The following LRBA variants were observed in gnomAD, a reference collection of about 807,000 sequenced individuals.
The protein encoded by LRBA is lipopolysaccharide-responsive and beige-like anchor protein.
A neutral mutation model predicts 330.0 loss-of-function variants in LRBA; 176 were observed. The ratio of observed to expected loss-of-function variants is 0.53; its 90% CI spans 0.47 to 0.60. LRBA has a LOEUF of 0.60. Among genes scored for constraint, LRBA ranks in the 20% least tolerant of loss-of-function variants. LRBA has a pLI of 0.00. For missense variants in LRBA, 3,259 were observed against 3,444.8 expected (o/e 0.95, Z 1.35); for synonymous variants, 1,230 against 1,193.0 (o/e 1.03, Z -0.64).
Position 150,351,488 on chromosome 4 carries a change from G to C in LRBA, c.7195-1329C>G, listed in dbSNP as rs539085175. On this transcript the variant is annotated intron_variant, in intron 47 of 56. Transcript: ENST00000651943. ...GCGGATCACGAGGTCAGGAGATCGA[G>C]ACCATCCTGGCTAACACAGTGAAAC... 1.4e-3 allele frequency among the ~76,000 whole-genome samples: 220 copies of C among 152,210 alleles called. 1 individual carries two copies. Among genetic ancestry groups the C allele is most frequent in the African/African-American group, 4.4e-3 (182 of 41,522 alleles).
chr4:150,901,036 G>A (rs1035909979), intron 13 of LRBA, among the ~76,000 whole-genome samples: 6 of 152,170 alleles, frequency 3.9e-5, no homozygotes, highest in East Asian at 3.9e-4. Flanking sequence ...AGTGATTCAC[G>A]CCTGTAATTT....
Position 150,639,266 on chromosome 4 carries a change from C to T in LRBA, c.5922-40135G>A, listed in dbSNP as rs1343126952. Among the ~76,000 whole-genome samples, 18 of 133,680 alleles carry T rather than the reference C, an allele frequency of 1.3e-4. No individual in the cohort carries two copies. In the East Asian group the frequency reaches 2.0e-3, roughly 15 times the overall value. 87.7% of individuals were successfully genotyped at this position (133,680 alleles called of 152,430 possible). A position where few individuals can be genotyped will look rare whatever the true frequency, so the allele number is the denominator to read the frequency against. The stretch of plus-strand genomic sequence containing the variant: ...GGGAGATAAACCTAATGCTAGATGA[C>T]GAGTTAGTGGGTGCAGTGCACCAGC... On this transcript the variant is annotated intron_variant, in intron 37 of 56. Transcript: ENST00000651943.
chr4:150,784,412 C>T (rs991070013), intron 34 of LRBA, among the ~76,000 whole-genome samples: 1 of 152,194 alleles, frequency 6.6e-6, no homozygotes, highest in Non-Finnish European at 1.5e-5. Context: ...GTGATTATCG[C>T]TGCCTTTTTG....
intron 38 of LRBA, among the ~76,000 whole-genome samples, chr4:150,595,369 T>C (rs574005820): frequency 1.3e-5 from 2 of 152,054 alleles, no homozygotes; most frequent in East Asian, 1.9e-4. Flanking sequence ...TCTGGCATTA[T>C]TGAAGTTATG....
chr4:150,897,837 C>T lies in LRBA; in HGVS notation c.1925-19G>A. On this transcript the variant is annotated intron_variant, in intron 14 of 56. Coordinates refer to ENST00000651943, the MANE Select transcript of LRBA (RefSeq NM_001364905.1). ...GGTCCATCTTTTAAAAAAATATACA[C>T]ATACACATTTAGTATTTAAAGGACC... The T allele has an allele frequency of 2.0e-6, 3 of 1,528,786 alleles. No individual in the cohort carries two copies. The highest frequency in any genetic ancestry group is 2.7e-6 in the Non-Finnish European group (3 of 1,104,784). The allele number at this position is 1,528,786 out of a possible 1,614,324, so 94.7% of individuals were successfully genotyped here. A position where few individuals can be genotyped will look rare whatever the true frequency, so the allele number is the denominator to read the frequency against.
chr4:150,301,184 G>T (rs1317124019), intron 53 of LRBA, among the ~76,000 whole-genome samples: 1 of 151,974 alleles, frequency 6.6e-6, no homozygotes, highest in Non-Finnish European at 1.5e-5. Context: ...ACAGGAAGAA[G>T]GACCAGAATA....
At chr4:150,433,923 C>T (rs997486609) in intron 46 of LRBA, among the ~76,000 whole-genome samples, 6 of 151,962 alleles carry the variant, frequency 3.9e-5, no homozygotes, top group African/African-American at 1.2e-4. Context: ...TTTTTGTATA[C>T]AATAGAATCT....
At chr4:150,387,290 C>T (rs1369531521) in intron 47 of LRBA, among the ~76,000 whole-genome samples, 2 of 151,974 alleles carry the variant, frequency 1.3e-5, no homozygotes, top group African/African-American at 4.8e-5. Context: ...AAAGTTATGT[C>T]ATAAGGCAAT....
chr4:150,883,466 C>CA (rs982606872), intron 17 of LRBA, among the ~76,000 whole-genome samples: 16 of 151,984 alleles, frequency 1.1e-4, no homozygotes, highest in Non-Finnish European at 1.5e-4. Flanking sequence ...TCTCAAAAAA[C>CA]AAAAAAATTA....
chr4:150,808,458 T>C, intron 31 of LRBA, 60 bp from the exon 32 acceptor site: 1 of 915,606 alleles, frequency 1.1e-6, no homozygotes, highest in Non-Finnish European at 1.8e-6. Flanking sequence ...AAGATTTAAA[T>C]AAAAAGAATG....
chr4:150,573,769 C>T (rs1770181722), intron 40 of LRBA, among the ~76,000 whole-genome samples: 1 of 152,126 alleles, frequency 6.6e-6, no homozygotes, highest in African/African-American at 2.4e-5. Context: ...CACTTTTATG[C>T]TTGTCAGATC....
intron 17 of LRBA, among the ~76,000 whole-genome samples, chr4:150,883,096 CCATTTAACTTT>C (rs967032545): frequency 6.6e-6 from 1 of 152,176 alleles, no homozygotes; most frequent in Non-Finnish European, 1.5e-5. Context: ...GCTTACACCC[CCATTTAACTTT>C]CAGTTAATAT....
intron 37 of LRBA, among the ~76,000 whole-genome samples, chr4:150,636,612 C>T (rs1777938775): frequency 6.6e-6 from 1 of 152,152 alleles, no homozygotes; most frequent in Non-Finnish European, 1.5e-5. Flanking sequence ...TATTCCCAGG[C>T]CCCCTCAGTG....
chr4:150,936,366 T>C (rs1735081708), intron 2 of LRBA, among the ~76,000 whole-genome samples: 1 of 151,986 alleles, frequency 6.6e-6, no homozygotes. Context: ...GTAAAGATAA[T>C]TTTTAATCAA....
At chr4:150,561,914 T>C (rs968222913) in intron 40 of LRBA, among the ~76,000 whole-genome samples, 1 of 152,120 alleles carries the variant, frequency 6.6e-6, no homozygotes, top group Non-Finnish European at 1.5e-5. Flanking sequence ...CATATATAGA[T>C]TCCCACATCT....
At chr4:150,987,799 C>T (rs1167334071) in intron 2 of LRBA, among the ~76,000 whole-genome samples, 2 of 151,720 alleles carry the variant, frequency 1.3e-5, no homozygotes, top group African/African-American at 4.8e-5. Flanking sequence ...GTCAGGAGCT[C>T]GAGACCAGCC....
chr4:150,484,823 G>T (rs562733779), intron 42 of LRBA, among the ~76,000 whole-genome samples: 11 of 151,698 alleles, frequency 7.3e-5, no homozygotes, highest in African/African-American at 2.7e-4. Context: ...TTATCTTCAT[G>T]TTAAACATTT....
At chr4:150,575,357 T>C (rs1211963403) in intron 40 of LRBA, among the ~76,000 whole-genome samples, 2 of 151,958 alleles carry the variant, frequency 1.3e-5, no homozygotes, top group African/African-American at 4.8e-5. Context: ...ATTTAAAGGA[T>C]GAGGCAGGCT....
chr4:150,851,052 G>C, intron 23 of LRBA, 150 bp from the exon 24 acceptor site: 1 of 553,760 alleles, frequency 1.8e-6, no homozygotes, highest in African/African-American at 1.9e-5. Context: ...AATTATCAAT[G>C]AGTAATAACA....
Sources: allele counts gnomAD v4.1 joint callset (sites outside exome capture counted in the v4.1 genomes callset), GRCh38; gene constraint gnomAD v4.1.1; transcripts MANE v1.5; gene names NCBI Gene and HGNC (gene_info 2026-07-23, HGNC 2026-07-21).